Variants in CTNNA2 observed in about 807,000 individuals in gnomAD.
CTNNA2 encodes the protein catenin alpha 2, also known as catenin alpha-2.
Under a neutral mutation model 101.0 loss-of-function variants are expected in CTNNA2, and 42 were observed. The ratio of observed to expected loss-of-function variants is 0.42; its 90% CI spans 0.32 to 0.54. The LOEUF (loss-of-function observed/expected upper bound fraction) is 0.54. Ranked by LOEUF, CTNNA2 falls within the 20% of genes least tolerant of loss-of-function variation. The pLI is 0.14. For missense variants in CTNNA2, 871 were observed against 1,223.1 expected (o/e 0.71, Z 4.29); for synonymous variants, 450 against 456.4 (o/e 0.99, Z 0.18).
intron 9 of CTNNA2, among the ~76,000 whole-genome samples, chr2:80,542,885 C>G (rs529126447): frequency 1.3e-4 from 20 of 151,932 alleles, no homozygotes; most frequent in Admixed American, 3.3e-4. Context: ...TTTTCCCCCC[C>G]CCACATGCCA....
intron 1 of CTNNA2, among the ~76,000 whole-genome samples, chr2:79,580,229 C>A (rs749910765): frequency 2.0e-5 from 3 of 152,058 alleles, no homozygotes; most frequent in African/African-American, 4.8e-5. Context: ...AATCATGAAT[C>A]CTGACAAGCA....
chr2:79,300,442 T>C (rs1332371708), intron 2 of CTNNA2, among the ~76,000 whole-genome samples: 1 of 152,180 alleles, frequency 6.6e-6, no homozygotes, highest in Non-Finnish European at 1.5e-5. Context: ...TCAGAGACCC[T>C]AAAGAAGAAG....
chr2:80,609,859 C>CTCAGTACCCA (rs1231478929), intron 17 of CTNNA2, among the ~76,000 whole-genome samples: 1 of 151,758 alleles, frequency 6.6e-6, no homozygotes, highest in Non-Finnish European at 1.5e-5. Context: ...CCATCATCCT[C>CTCAGTACCCA]TCAGTACCCA....
At chr2:79,461,652 C>T (rs1222017389) in intron 4 of CTNNA2, among the ~76,000 whole-genome samples, 1 of 152,072 alleles carries the variant, frequency 6.6e-6, no homozygotes, top group Non-Finnish European at 1.5e-5. Flanking sequence ...TGGGCCATCA[C>T]GCCTATCTAA....
intron 2 of CTNNA2, among the ~76,000 whole-genome samples, chr2:79,738,676 A>G (rs2104958848): frequency 6.6e-6 from 1 of 152,336 alleles, no homozygotes; most frequent in South Asian, 2.1e-4. Context: ...AACGGCACTA[A>G]ATGTGGTAGA....
intron 3 of CTNNA2, among the ~76,000 whole-genome samples, chr2:79,338,643 CA>C (rs879593028): frequency 6.9e-6 from 1 of 145,440 alleles, no homozygotes; most frequent in Non-Finnish European, 1.5e-5. Context: ...TCTTCTTCTT[CA>C]AAGATTCCTC....
At chr2:80,327,751 G>A (rs1346993150) in intron 7 of CTNNA2, among the ~76,000 whole-genome samples, 1 of 152,138 alleles carries the variant, frequency 6.6e-6, no homozygotes, top group Non-Finnish European at 1.5e-5. Context: ...TATAAACAGA[G>A]CTTTATTTAA....
At chr2:79,503,184 T>C (rs1671340497) in intron 4 of CTNNA2, among the ~76,000 whole-genome samples, 1 of 152,150 alleles carries the variant, frequency 6.6e-6, no homozygotes. Flanking sequence ...TTTTTTTTAT[T>C]ATGAAAATAA....
At chr2:80,552,390 G>T (rs1411028019) in intron 11 of CTNNA2, among the ~76,000 whole-genome samples, 1 of 152,128 alleles carries the variant, frequency 6.6e-6, no homozygotes, top group African/African-American at 2.4e-5. Flanking sequence ...CCTGTAGATT[G>T]TTTTTAATAA....
intron 7 of CTNNA2, among the ~76,000 whole-genome samples, chr2:80,311,643 G>T (rs1257492537): frequency 1.3e-5 from 2 of 152,206 alleles, no homozygotes; most frequent in Non-Finnish European, 2.9e-5. Context: ...ATCTGAAAAT[G>T]GATTAATCCA....
chr2:79,336,303 G>A (rs966137817), intron 3 of CTNNA2, among the ~76,000 whole-genome samples: 8 of 152,130 alleles, frequency 5.3e-5, no homozygotes, highest in Admixed American at 3.3e-4. Flanking sequence ...GTGGTGTCAT[G>A]CTTGCAATAT....
chr2:79,751,833 G>A (rs796816317), intron 3 of CTNNA2, among the ~76,000 whole-genome samples: 1 of 152,096 alleles, frequency 6.6e-6, no homozygotes, highest in Admixed American at 6.6e-5. Context: ...GATTGGTTAG[G>A]TGTGATCATA....
At chr2:79,221,203 C>T (rs1475137978) in intron 2 of CTNNA2, among the ~76,000 whole-genome samples, 1 of 152,162 alleles carries the variant, frequency 6.6e-6, no homozygotes. Flanking sequence ...GGCTGGAATG[C>T]AGTGGCACAA....
intron 2 of CTNNA2, among the ~76,000 whole-genome samples, chr2:79,664,476 A>G (rs1682254551): frequency 6.6e-6 from 1 of 152,156 alleles, no homozygotes; most frequent in Non-Finnish European, 1.5e-5. Context: ...TCATTAGTTA[A>G]ATAAATCTTC....
chr2:79,452,073 AT>A (rs1670758729), intron 4 of CTNNA2, among the ~76,000 whole-genome samples: 1 of 152,126 alleles, frequency 6.6e-6, no homozygotes. Context: ...GTTTAAACAC[AT>A]TTCATCTTTA....
intron 3 of CTNNA2, among the ~76,000 whole-genome samples, chr2:79,855,262 A>T (rs945689980): frequency 1.3e-5 from 2 of 151,836 alleles, no homozygotes; most frequent in African/African-American, 4.8e-5. Flanking sequence ...TCTCACGGAC[A>T]TCTGCTGAGC....
intron 2 of CTNNA2, among the ~76,000 whole-genome samples, chr2:79,299,402 A>G (rs532972457): frequency 3.8e-4 from 58 of 152,222 alleles, no homozygotes; most frequent in Non-Finnish European, 7.6e-4. Context: ...GAAGCGGCTA[A>G]TAAGTTAAGA....
chr2:80,568,271 AAGAG>A (rs1213068019), intron 12 of CTNNA2, among the ~76,000 whole-genome samples: 6 of 152,224 alleles, frequency 3.9e-5, no homozygotes, highest in African/African-American at 1.4e-4. Context: ...TGGGCAGAAA[AAGAG>A]AGACTTGTTA....
chr2:79,583,180 G>A (rs922877359), intron 1 of CTNNA2, among the ~76,000 whole-genome samples: 1 of 151,142 alleles, frequency 6.6e-6, no homozygotes, highest in African/African-American at 2.4e-5. Flanking sequence ...TGTTTTGTGT[G>A]ATTATAAATA....
Sources: allele counts gnomAD v4.1 joint callset (sites outside exome capture counted in the v4.1 genomes callset), GRCh38; gene constraint gnomAD v4.1.1; transcripts MANE v1.5; gene names NCBI Gene and HGNC (gene_info 2026-07-23, HGNC 2026-07-21).